ZNF705G: variants seen among roughly 807,000 people sequenced by gnomAD.
ZNF705G encodes zinc finger protein 705G, also known as putative zinc finger protein 705G.
In ZNF705G, 23 loss-of-function variants were observed where a neutral mutation model predicts 19.6. The ratio of observed to expected loss-of-function variants is 1.17; its 90% CI spans 0.84 to 1.66. ZNF705G has a LOEUF of 1.66. Among genes scored for constraint, ZNF705G ranks in the 40% most tolerant of loss-of-function variants. The probability of loss-of-function intolerance (pLI) is 0.00; values close to 1 mark genes in which losing one functional copy is unlikely to be tolerated. For synonymous variants in ZNF705G, 146 were observed against 117.7 expected (o/e 1.24, Z -1.56); for missense variants, 457 against 354.4 (o/e 1.29, Z -2.32).
chr8:7,380,599 T>C (rs1210866863), intron 2 of ZNF705G, among the ~76,000 whole-genome samples: 1 of 146,854 alleles, frequency 6.8e-6, no homozygotes, highest in East Asian at 1.9e-4. Context: ...TTGCCATGAC[T>C]GTTGGTGTCT....
intron 2 of ZNF705G, among the ~76,000 whole-genome samples, chr8:7,365,690 G>A (rs1238949532): frequency 6.7e-6 from 1 of 149,442 alleles, no homozygotes; most frequent in Non-Finnish European, 1.5e-5. Context: ...AAAAAGTCAA[G>A]AGGAAGGAAC....
At chr8:7,379,080 G>A (rs1022380768) in intron 2 of ZNF705G, among the ~76,000 whole-genome samples, 5 of 150,696 alleles carry the variant, frequency 3.3e-5, no homozygotes, top group Non-Finnish European at 5.9e-5. Context: ...GTAGTGGGGG[G>A]CCTCCCCTTG....
intron 2 of ZNF705G, among the ~76,000 whole-genome samples, chr8:7,373,979 C>T (rs1347638815): frequency 1.2e-5 from 1 of 85,538 alleles, no homozygotes; most frequent in African/African-American, 5.4e-5. Context: ...GAATAAGCAA[C>T]TTATTGCCTC....
At chr8:7,385,382 T>C (rs1342372639) in intron 1 of ZNF705G, 116 bp downstream of exon 1, 4 of 148,744 alleles carry the variant, frequency 2.7e-5, no homozygotes, top group African/African-American at 5.2e-5. Context: ...GAAAGTAAAG[T>C]GGAGGCTGAA....
rs1473745317 is a variant in ZNF705G, at chr8:7,383,136, T to A, written c.-221-1535A>T. 9.4e-4 allele frequency among the ~76,000 whole-genome samples: 141 copies of A among 150,232 alleles called. No individual in the cohort carries two copies. In the East Asian group the frequency reaches 0.026, roughly 28 times the overall value. ...GAGTTCAATGTTTGATTTTTTTTTTTTTTTTTTTTTGCTACCTGGTTAAAA... is the reference window on the plus strand; with the variant it reads ...GAGTTCAATGTTTGATTTTTTTTTTATTTTTTTTTTGCTACCTGGTTAAAA... On this transcript the variant is annotated intron_variant, in intron 1 of 6. Transcript: ENST00000400156.
rs1440488445 is a variant in ZNF705G, at chr8:7,369,876, GGA to G, written c.-71-6861_-71-6860del. 6.2e-3 allele frequency among the ~76,000 whole-genome samples: 921 copies of G among 148,962 alleles called. 103 individuals are homozygous for G. Among genetic ancestry groups the G allele is most frequent in the African/African-American group, 0.023 (875 of 38,486 alleles). On this transcript the variant is annotated intron_variant, in intron 2 of 6. Transcript: ENST00000400156. ...GTAAAGATCAGAACAACAGATACTG[GGA>G]ACTACTAGAGGGGGAAGGGAAGGTG...
intron 2 of ZNF705G, among the ~76,000 whole-genome samples, chr8:7,365,787 G>C (rs1448042149): frequency 6.7e-6 from 1 of 149,482 alleles, no homozygotes; most frequent in Non-Finnish European, 1.5e-5. Context: ...GCCCTTTCAC[G>C]GCTATTTAGA....
At chr8:7,384,351 T>C (rs1427128991) in intron 1 of ZNF705G, among the ~76,000 whole-genome samples, 7 of 144,786 alleles carry the variant, frequency 4.8e-5, no homozygotes, top group South Asian at 2.1e-4. Flanking sequence ...CCACACAGAG[T>C]TGTGTTTTAA....
rs142920020 is a variant in ZNF705G, at chr8:7,383,337, C to A, written c.-221-1736G>T. 1.2e-3 allele frequency among the ~76,000 whole-genome samples: 171 copies of A among 147,024 alleles called. 9 individuals are homozygous for A. Among genetic ancestry groups the A allele is most frequent in the African/African-American group, 4.6e-3 (168 of 36,510 alleles). On this transcript the variant is annotated intron_variant, in intron 1 of 6. Transcript: ENST00000400156. ...CACTGAAATTCCTCCTTCTCTCTTT[C>A]CCCTCCACATCTGTGTTGCTTTATA...
chr8:7,358,687 T>A lies in ZNF705G; in HGVS notation c.319-127A>T, dbSNP rs543680559. ...CCAGTTGAAAGCTTTCCAATGTTTC[T>A]TGTGTGAAAGGAAATTAAATTTTGG... On this transcript the variant is annotated intron_variant, in intron 6 of 6. Coordinates refer to ENST00000400156, the MANE Select transcript of ZNF705G (RefSeq NM_001164457.3). 272 of 1,468,348 alleles carry A rather than the reference T, an allele frequency of 1.9e-4. 13 individuals carry two copies. The African/African-American group carries it at 2.0e-3, about 11-fold the overall frequency. 91.0% of individuals were successfully genotyped at this position (1,468,348 alleles called of 1,614,324 possible).
intron 2 of ZNF705G, among the ~76,000 whole-genome samples, chr8:7,370,925 G>T (rs1421200439): frequency 8.1e-6 from 1 of 123,436 alleles, no homozygotes; most frequent in Non-Finnish European, 1.6e-5. Flanking sequence ...AACATGAATG[G>T]AGCTGGAAGC....
At position 7,361,185 on chromosome 8, in the gene ZNF705G, C is replaced by T. The variant is rs1458620331; in HGVS notation, c.64G>A (p.Ala22Thr). The T allele has an allele frequency of 1.9e-6, 3 of 1,593,066 alleles. No individual in the cohort carries two copies. The highest frequency in any genetic ancestry group is 2.5e-6 in the Non-Finnish European group (3 of 1,179,442). The change falls in exon 4 of 7, where the codon GCC becomes ACC. Residue 22 changes from alanine to threonine, a missense_variant. Coordinates refer to ENST00000400156, the MANE Select transcript of ZNF705G (RefSeq NM_001164457.3). ...TTTCTCTTGGATGTGTCCATCATGG[C>T]CCACTCTTCCTGGGTGAAGTCAATA... ...VAIDFTQEEW[A>T]MMDTSKRKLY...
rs1353905532 is a variant in ZNF705G, at chr8:7,376,007, C to T, written c.-72+5445G>A. ...TTATGACTCTTCCAGCTGCAAAGGG[C>T]CAATTTTAGCACAAGGCCAGTGGGC... On this transcript the variant is annotated intron_variant, in intron 2 of 6. Coordinates refer to ENST00000400156, the MANE Select transcript of ZNF705G (RefSeq NM_001164457.3). Among the ~76,000 whole-genome samples, 4 of 88,220 alleles carry T rather than the reference C, an allele frequency of 4.5e-5. 2 individuals carry two copies. The highest frequency in any genetic ancestry group is 2.2e-4 in the African/African-American group (4 of 18,516). The allele number at this position is 88,220 out of a possible 152,430, so 57.9% of individuals were successfully genotyped here.
chr8:7,374,213 G>A (rs556505362), intron 2 of ZNF705G, among the ~76,000 whole-genome samples: 2 of 97,554 alleles, frequency 2.1e-5, no homozygotes, highest in Non-Finnish European at 2.1e-5. Flanking sequence ...ACACAACATC[G>A]GGGACTGACA....
intron 2 of ZNF705G, among the ~76,000 whole-genome samples, chr8:7,370,363 C>T (rs1420480349): frequency 6.7e-6 from 1 of 149,316 alleles, no homozygotes; most frequent in Non-Finnish European, 1.5e-5. Flanking sequence ...TTCTTACCAT[C>T]TCTAATCATC....
chr8:7,366,385 C>T (rs1389271885), intron 2 of ZNF705G, among the ~76,000 whole-genome samples: 2 of 149,286 alleles, frequency 1.3e-5, no homozygotes, highest in Non-Finnish European at 1.5e-5. Flanking sequence ...ATGAACACTG[C>T]ATACAAAGTT....
intron 2 of ZNF705G, among the ~76,000 whole-genome samples, chr8:7,380,944 G>C (rs1255864721): frequency 7.5e-6 from 1 of 132,690 alleles, no homozygotes; most frequent in Non-Finnish European, 1.5e-5. Flanking sequence ...TTGAGCCCAG[G>C]AGGCAGAGTT....
chr8:7,382,491 C>G (rs1807541544), intron 1 of ZNF705G, among the ~76,000 whole-genome samples: 1 of 146,484 alleles, frequency 6.8e-6, no homozygotes, highest in South Asian at 2.1e-4. Context: ...CATTTCATGT[C>G]TCTGCATCTA....
intron 2 of ZNF705G, among the ~76,000 whole-genome samples, chr8:7,376,800 T>A (rs1262214976): frequency 2.7e-5 from 4 of 150,096 alleles, no homozygotes; most frequent in Non-Finnish European, 5.9e-5. Flanking sequence ...TCTCTAACAA[T>A]TGAAGTATAT....
Sources: gnomAD v4.1 joint callset for allele counts (sites outside exome capture counted in the v4.1 genomes callset) on GRCh38, gnomAD v4.1.1 for gene constraint, MANE v1.5 for transcripts, NCBI Gene and HGNC (gene_info 2026-07-23, HGNC 2026-07-21) for gene names.